The following OSBPL8 variants were observed in gnomAD, a reference collection of about 807,000 sequenced individuals.
OSBPL8 encodes oxysterol-binding protein-related protein 8.
Under a neutral mutation model 125.5 loss-of-function variants are expected in OSBPL8, and 59 were observed. The ratio of observed to expected loss-of-function variants is 0.47; its 90% confidence interval spans 0.38 to 0.58. OSBPL8 has a LOEUF of 0.58. Among genes scored for constraint, OSBPL8 ranks in the 20% least tolerant of loss-of-function variants. OSBPL8 has a pLI of 0.00. For synonymous variants in OSBPL8, 330 were observed against 338.9 expected (o/e 0.97, Z 0.29); for missense variants, 758 against 1,047.8 (o/e 0.72, Z 3.82).
Position 76,399,272 on chromosome 12 carries a change from G to C in OSBPL8, c.468+601C>G, listed in dbSNP as rs147099254. Among the ~76,000 whole-genome samples the C allele has an allele frequency of 1.2e-4, 19 of 152,102 alleles. No individual in the cohort carries two copies. In the East Asian group the frequency reaches 3.3e-3, roughly 26 times the overall value. ...CATGCCAAGTACTAAAATTTTCTGT[G>C]AGTCAGAGTCCTACGAGATCACTCT... On this transcript the variant is annotated intron_variant, in intron 7 of 23. Transcript: ENST00000261183.
intron 1 of OSBPL8, among the ~76,000 whole-genome samples, chr12:76,489,970 C>T (rs1878539175): frequency 1.3e-5 from 2 of 152,104 alleles, no homozygotes; most frequent in South Asian, 4.1e-4. Flanking sequence ...TGATTCCAAC[C>T]CTTACGGATG....
chr12:76,479,549 A>G (rs1877218841), intron 2 of OSBPL8, among the ~76,000 whole-genome samples: 1 of 152,190 alleles, frequency 6.6e-6, no homozygotes, highest in South Asian at 2.1e-4. Context: ...ATTACCACAT[A>G]AAGAGAGAGA....
intron 2 of OSBPL8, among the ~76,000 whole-genome samples, chr12:76,474,713 G>T (rs1876585813): frequency 6.6e-6 from 1 of 152,172 alleles, no homozygotes; most frequent in South Asian, 2.1e-4. Context: ...GAACTCCCAG[G>T]CTCAAGCAAT....
chr12:76,372,325 C>T (rs143425988), intron 18 of OSBPL8, among the ~76,000 whole-genome samples: 1 of 152,098 alleles, frequency 6.6e-6, no homozygotes, highest in African/African-American at 2.4e-5. Flanking sequence ...CCTGCCTTAG[C>T]TTCCTGAGTA....
At chr12:76,444,105 G>A (rs561708890) in intron 4 of OSBPL8, among the ~76,000 whole-genome samples, 2 of 152,140 alleles carry the variant, frequency 1.3e-5, no homozygotes, top group Admixed American at 6.5e-5. Context: ...AACAAAACCA[G>A]AGTGCAAAAA....
chr12:76,526,199 C>T (rs17257600), intron 1 of OSBPL8, among the ~76,000 whole-genome samples: 8,945 of 152,116 alleles, frequency 0.059, 401 homozygotes, highest in Admixed American at 0.1. Flanking sequence ...TTATGACAGA[C>T]GTTTTAAACA....
At chr12:76,470,178 G>C (rs944470268) in intron 2 of OSBPL8, among the ~76,000 whole-genome samples, 1 of 152,184 alleles carries the variant, frequency 6.6e-6, no homozygotes, top group South Asian at 2.1e-4. Context: ...TAACCAATAT[G>C]ATTTTCACTT....
intron 1 of OSBPL8, among the ~76,000 whole-genome samples, chr12:76,541,481 AAAT>A (rs530617163): frequency 6.6e-5 from 10 of 151,886 alleles, no homozygotes; most frequent in South Asian, 2.1e-4. Flanking sequence ...CTGTCTCAAA[AAAT>A]AATAATAATA....
intron 1 of OSBPL8, among the ~76,000 whole-genome samples, chr12:76,536,829 A>C (rs867439547): frequency 6.6e-5 from 10 of 151,812 alleles, no homozygotes; most frequent in African/African-American, 1.9e-4. Context: ...AAAAAAAAAA[A>C]AAAAAACGAG....
At chr12:76,442,706 G>T (rs994649928) in intron 4 of OSBPL8, among the ~76,000 whole-genome samples, 14 of 152,116 alleles carry the variant, frequency 9.2e-5, no homozygotes, top group African/African-American at 3.4e-4. Context: ...TATGTGTACA[G>T]TCCCACATAT....
intron 1 of OSBPL8, among the ~76,000 whole-genome samples, chr12:76,491,973 C>A (rs1417969985): frequency 6.6e-6 from 1 of 152,062 alleles, no homozygotes; most frequent in Non-Finnish European, 1.5e-5. Context: ...AGGTATTATA[C>A]TGACCACTTT....
chr12:76,382,940 T>C (rs374281546), intron 15 of OSBPL8, among the ~76,000 whole-genome samples: 1 of 152,252 alleles, frequency 6.6e-6, no homozygotes, highest in African/African-American at 2.4e-5. Flanking sequence ...TGTAGTTACA[T>C]GTGTTAAATC....
intron 1 of OSBPL8, among the ~76,000 whole-genome samples, chr12:76,512,617 G>A (rs145760238): frequency 3.9e-5 from 6 of 152,258 alleles, no homozygotes; most frequent in African/African-American, 9.6e-5. Context: ...GTCAGGTAAC[G>A]TGATGCCTCC....
At chr12:76,518,362 C>T (rs1037430910) in intron 1 of OSBPL8, among the ~76,000 whole-genome samples, 2 of 152,216 alleles carry the variant, frequency 1.3e-5, no homozygotes, top group Non-Finnish European at 2.9e-5. Context: ...GGCAGCTCTA[C>T]CACTGTGGCT....
In OSBPL8 at chr12:76,384,333, T is replaced by C. The variant is rs1482291946; in HGVS notation, c.1551A>G (p.Pro517=). 2 of 1,549,158 alleles carry C rather than the reference T, an allele frequency of 1.3e-6. No homozygotes were observed. The highest frequency in any genetic ancestry group is 1.8e-6 in the Non-Finnish European group (2 of 1,136,112). ...YIAEQVSHHP[P]ISAFYVSNRK... ...GATTACTAACATAAAAGGCAGATATTGGTGGATGATGGGACACCTATTAAA... is the reference window on the plus strand; with the variant it reads ...GATTACTAACATAAAAGGCAGATATCGGTGGATGATGGGACACCTATTAAA... Residue 517 remains proline (P), a synonymous_variant, in exon 15 of 24, where the codon CCA becomes CCG. Transcript: ENST00000261183.
chr12:76,376,345 G>T (rs1456956033), intron 16 of OSBPL8, among the ~76,000 whole-genome samples: 1 of 152,208 alleles, frequency 6.6e-6, no homozygotes, highest in African/African-American at 2.4e-5. Context: ...ATTATCTTTT[G>T]AGAGGGGAAC....
intron 5 of OSBPL8, among the ~76,000 whole-genome samples, chr12:76,408,921 A>T (rs1377035121): frequency 6.6e-6 from 1 of 152,080 alleles, no homozygotes; most frequent in Admixed American, 6.6e-5. Flanking sequence ...TTAGGTGTTT[A>T]GGCTTTTGAG....
chr12:76,353,486 G>C lies in OSBPL8; in HGVS notation c.*2403C>G, dbSNP rs974544556. 4.6e-5 allele frequency: 7 copies of C among 151,938 alleles called. No individual in the cohort carries two copies. Among genetic ancestry groups the C allele is most frequent in the African/African-American group, 1.7e-4 (7 of 41,420 alleles). The allele number at this position is 151,938 out of a possible 1,614,324, so 9.4% of individuals were successfully genotyped here. ...ACTGGTCATAAGGTCATAAATCCTA[G>C]AAACCCTCATGAGGCTCTCAGACAA... On this transcript the variant is annotated 3_prime_UTR_variant, in exon 24 of 24. Coordinates refer to ENST00000261183, the MANE Select transcript of OSBPL8 (RefSeq NM_020841.5).
chr12:76,446,494 G>C (rs1872733168), intron 4 of OSBPL8, among the ~76,000 whole-genome samples: 1 of 151,970 alleles, frequency 6.6e-6, no homozygotes, highest in East Asian at 1.9e-4. Context: ...ACTTACCTAG[G>C]AACATTTAAG....
Sources: allele counts gnomAD v4.1 joint callset (sites outside exome capture counted in the v4.1 genomes callset), GRCh38; gene constraint gnomAD v4.1.1; transcripts MANE v1.5; gene names NCBI Gene and HGNC (gene_info 2026-07-23, HGNC 2026-07-21).